The following ATP8A2 variants were observed in gnomAD, a reference collection of about 807,000 sequenced individuals.
ATP8A2 encodes the protein phospholipid-transporting ATPase IB.
A neutral mutation model predicts 165.6 loss-of-function variants in ATP8A2; 100 were observed. The observed-to-expected ratio is 0.60, with a 90% CI of 0.51 to 0.71. The LOEUF is 0.71. Ranked by LOEUF, ATP8A2 falls within the 30% of genes least tolerant of loss-of-function variation. ATP8A2 has a pLI of 0.00. For missense variants in ATP8A2, 1,227 were observed against 1,479.5 expected, an observed-to-expected ratio of 0.83 and a Z score of 2.80; for synonymous variants, 543 against 548.8, an observed-to-expected ratio of 0.99 and a Z score of 0.15.
rs574146726 is a variant in ATP8A2, at chr13:25,839,440, G to A, written c.2878-106G>A. On this transcript the variant is annotated intron_variant, in intron 29 of 36. Transcript: ENST00000381655. The stretch of plus-strand genomic sequence containing the variant: ...AGAATAATATGCTACTCCTGGAACC[G>A]TGCAGCGCACGGCCAGGATCCTTCA... 22 of 765,188 alleles carry A rather than the reference G, an allele frequency of 2.9e-5. No homozygotes were observed. In the East Asian group the frequency reaches 3.0e-4, roughly 10 times the overall value. 47.4% of individuals were successfully genotyped at this position (765,188 alleles called of 1,614,324 possible).
chr13:26,014,902 C>T (rs529116986), intron 36 of ATP8A2, among the ~76,000 whole-genome samples: 1 of 152,142 alleles, frequency 6.6e-6, no homozygotes, highest in Non-Finnish European at 1.5e-5. Flanking sequence ...ATGTGTAAAG[C>T]ACCTTCTGTA....
chr13:25,826,935 C>G (rs1951333721), intron 27 of ATP8A2, among the ~76,000 whole-genome samples: 1 of 148,560 alleles, frequency 6.7e-6, no homozygotes, highest in African/African-American at 2.5e-5. Context: ...TATTCAGCAG[C>G]AACTTTTTGA....
intron 1 of ATP8A2, among the ~76,000 whole-genome samples, chr13:25,466,703 T>C (rs1358393060): frequency 6.6e-6 from 1 of 152,140 alleles, no homozygotes; most frequent in Non-Finnish European, 1.5e-5. Flanking sequence ...CGGGAACTAA[T>C]ACATTGTGGA....
intron 24 of ATP8A2, among the ~76,000 whole-genome samples, chr13:25,614,818 A>T (rs571652800): frequency 1.3e-5 from 2 of 152,322 alleles, no homozygotes; most frequent in South Asian, 4.1e-4. Context: ...CCAGGCTGCC[A>T]CTGGGGAATG....
At chr13:25,614,141 T>G (rs2040761967) in intron 24 of ATP8A2, among the ~76,000 whole-genome samples, 1 of 152,162 alleles carries the variant, frequency 6.6e-6, no homozygotes, top group Non-Finnish European at 1.5e-5. Context: ...GTTTCAGATT[T>G]TTCTTCTTCT....
At chr13:26,006,753 T>C (rs563427616) in intron 35 of ATP8A2, among the ~76,000 whole-genome samples, 1 of 152,214 alleles carries the variant, frequency 6.6e-6, no homozygotes, top group African/African-American at 2.4e-5. Flanking sequence ...AGGTGCTTTT[T>C]CTGCATCAAT....
chr13:25,560,176 T>C (rs995194629), intron 15 of ATP8A2, among the ~76,000 whole-genome samples: 1 of 152,032 alleles, frequency 6.6e-6, no homozygotes, highest in Non-Finnish European at 1.5e-5. Context: ...TGTATGTAAA[T>C]AAAAGTTGCA....
In ATP8A2 at chr13:25,615,467, C is replaced by T. The variant is rs1013045653; in HGVS notation, c.2211+25768C>T. Among the ~76,000 whole-genome samples the T allele has an allele frequency of 3.3e-5, 5 of 152,290 alleles. No individual in the cohort carries two copies. The East Asian group carries it at 9.7e-4, about 29-fold the overall frequency. On this transcript the variant is annotated intron_variant, in intron 24 of 36. Transcript: ENST00000381655. ...TGAGAACTTGCCCCAGGCTACCAGC[C>T]TCTCGCTGAGAGGGTTTTCAGGTTT...
intron 1 of ATP8A2, among the ~76,000 whole-genome samples, chr13:25,400,412 G>T (rs2033599982): frequency 6.6e-6 from 1 of 151,840 alleles, no homozygotes; most frequent in South Asian, 2.1e-4. Context: ...TATATTTATG[G>T]GGTACATGCG....
intron 25 of ATP8A2, among the ~76,000 whole-genome samples, chr13:25,733,506 T>C (rs1335782547): frequency 7.5e-6 from 1 of 134,174 alleles, no homozygotes; most frequent in African/African-American, 2.8e-5. Context: ...AGGCCATAAA[T>C]GACAAAAAGA....
At chr13:25,945,763 A>T (rs1326342643) in intron 33 of ATP8A2, among the ~76,000 whole-genome samples, 1 of 152,160 alleles carries the variant, frequency 6.6e-6, no homozygotes, top group Admixed American at 6.5e-5. Flanking sequence ...CTGCTCCGGG[A>T]AGGCTGCCTG....
rs2038051019 is a variant in ATP8A2, at chr13:25,531,263, A to ATATATATTATATATGATATATGT, written c.420+610_420+611insTATATATGATATATGTTATATAT. The stretch of plus-strand genomic sequence containing the variant: ...ATATATGTTATATATGATATATATG[A>ATATATATTATATATGATATATGT]TATATATGATATATATGTTATATAT... On this transcript the variant is annotated intron_variant, in intron 4 of 36. Transcript: ENST00000381655. 1.6e-3 allele frequency among the ~76,000 whole-genome samples: 141 copies of ATATATATTATATATGATATATGT among 85,502 alleles called. 1 individual carries two copies. The highest frequency in any genetic ancestry group is 2.8e-3 in the Non-Finnish European group (117 of 42,336). 56.1% of individuals were successfully genotyped at this position (85,502 alleles called of 152,430 possible). A position where few individuals can be genotyped will look rare whatever the true frequency, so the allele number is the denominator to read the frequency against.
intron 35 of ATP8A2, among the ~76,000 whole-genome samples, chr13:25,975,882 C>T (rs1956024674): frequency 6.6e-6 from 1 of 152,156 alleles, no homozygotes; most frequent in Admixed American, 6.5e-5. Flanking sequence ...ATGTAGAACT[C>T]CAGTCCCCAT....
At position 26,024,077 on chromosome 13, in the gene ATP8A2, A is replaced by G. The variant is rs939254822; in HGVS notation, c.*4092A>G. On this transcript the variant is annotated 3_prime_UTR_variant, in exon 37 of 37. Transcript: ENST00000381655. ...CCCTCCCTTCAAAAAAAGAAAATCT[A>G]TATCAGTTGGGTTTGGTTTTGGTTC... 1 of 152,140 alleles carries G rather than the reference A, an allele frequency of 6.6e-6. No individual in the cohort carries two copies. The highest frequency in any genetic ancestry group is 1.5e-5 in the Non-Finnish European group (1 of 68,022). 9.4% of individuals were successfully genotyped at this position (152,140 alleles called of 1,614,324 possible).
chr13:25,651,463 A>G (rs903532562), intron 24 of ATP8A2, among the ~76,000 whole-genome samples: 2 of 152,024 alleles, frequency 1.3e-5, no homozygotes, highest in Non-Finnish European at 2.9e-5. Context: ...TTATTCATAC[A>G]TTCTCATTTC....
At chr13:25,851,547 C>G (rs1238760972) in intron 30 of ATP8A2, among the ~76,000 whole-genome samples, 2 of 150,616 alleles carry the variant, frequency 1.3e-5, no homozygotes, top group Admixed American at 6.6e-5. Context: ...CGCGCCACTG[C>G]ACTCCAGCCT....
intron 25 of ATP8A2, among the ~76,000 whole-genome samples, chr13:25,704,071 A>G (rs745429137): frequency 1.4e-4 from 21 of 152,250 alleles, no homozygotes; most frequent in Non-Finnish European, 2.9e-4. Flanking sequence ...ATTATAAAAA[A>G]TGAATCCTTT....
At chr13:25,422,256 G>A (rs1158585823) in intron 1 of ATP8A2, among the ~76,000 whole-genome samples, 1 of 152,156 alleles carries the variant, frequency 6.6e-6, no homozygotes, top group Non-Finnish European at 1.5e-5. Context: ...AAGTATGATT[G>A]ATCTTAGTAA....
chr13:25,483,347 C>T (rs148706099), intron 2 of ATP8A2, among the ~76,000 whole-genome samples: 1 of 152,208 alleles, frequency 6.6e-6, no homozygotes, highest in Non-Finnish European at 1.5e-5. Flanking sequence ...GGTGATTGAC[C>T]TCAGAATAGC....
Sources: allele counts gnomAD v4.1 joint callset (sites outside exome capture counted in the v4.1 genomes callset), GRCh38; gene constraint gnomAD v4.1.1; transcripts MANE v1.5; gene names NCBI Gene and HGNC (gene_info 2026-07-23, HGNC 2026-07-21).